The following HSPA12A variants were observed in gnomAD, a reference collection of about 807,000 sequenced individuals.
HSPA12A encodes the protein heat shock protein family A (Hsp70) member 12A, also known as heat shock 70 kDa protein 12A.
Under a neutral mutation model 69.2 loss-of-function variants are expected in HSPA12A, and 28 were observed. The ratio of observed to expected loss-of-function variants is 0.40; its 90% confidence interval spans 0.30 to 0.55. HSPA12A has a LOEUF of 0.55. HSPA12A is among the 20% of genes least tolerant of loss of function. HSPA12A has a pLI of 0.38. For missense variants in HSPA12A, 686 were observed against 900.7 expected, an observed-to-expected ratio of 0.76 and a Z score of 3.05; for synonymous variants, 345 against 370.5, an observed-to-expected ratio of 0.93 and a Z score of 0.79.
At chr10:116,745,058 C>T (rs1390387079), upstream of HSPA12A, among the ~76,000 whole-genome samples, 1 of 152,178 alleles carries the variant, frequency 6.6e-6, no homozygotes, top group African/African-American at 2.4e-5. Flanking sequence ...GTCACTCCCC[C>T]GGACACATCC....
intron 1 of HSPA12A, among the ~76,000 whole-genome samples, chr10:116,715,268 C>G (rs1219583754): frequency 6.6e-6 from 1 of 152,176 alleles, no homozygotes; most frequent in Non-Finnish European, 1.5e-5. Flanking sequence ...CCCCGGAGAC[C>G]AACTGCGACA....
intron 1 of HSPA12A, among the ~76,000 whole-genome samples, chr10:116,707,837 C>T (rs1455395320): frequency 1.3e-5 from 2 of 152,234 alleles, no homozygotes; most frequent in East Asian, 1.9e-4. Context: ...TCCTCCCTCC[C>T]CCTGCCAGGG....
At chr10:116,777,016 G>C (rs1305286443) in intron 2 of HSPA12A, among the ~76,000 whole-genome samples, 2 of 152,226 alleles carry the variant, frequency 1.3e-5, no homozygotes, top group African/African-American at 4.8e-5. Context: ...CACAGGGGAA[G>C]GAGGTTGTAA....
At chr10:116,770,892 T>TC (rs112828471) in intron 2 of HSPA12A, among the ~76,000 whole-genome samples, 139,043 of 148,930 alleles carry the variant, frequency 0.93, 64,718 homozygotes, top group Non-Finnish European at 1. Context: ...AACAAGCCTC[T>TC]CTTGGGGGAG....
chr10:116,820,640 A>C (rs1359909369), intron 2 of HSPA12A, among the ~76,000 whole-genome samples: 1 of 151,954 alleles, frequency 6.6e-6, no homozygotes, highest in Non-Finnish European at 1.5e-5. Context: ...TGTGGCTCTG[A>C]ATGTGACAAT....
rs1273311510 is a variant in HSPA12A, at chr10:116,785,504, C to T, written c.91+49431G>A. ...CCCCAGCCCCAGGACGGCTGTCCCC[C>T]ACCCAGATCCCCGCCTGCCTCCCTG... On this transcript the variant is annotated intron_variant, in intron 2 of 12. Transcript: ENST00000635765. Among the ~76,000 whole-genome samples the T allele has an allele frequency of 4.6e-5, 7 of 152,128 alleles. No homozygotes were observed. The South Asian group carries it at 8.3e-4, about 18-fold the overall frequency.
chr10:116,841,886 CA>C (rs1313746109), intron 1 of HSPA12A, among the ~76,000 whole-genome samples: 1 of 151,376 alleles, frequency 6.6e-6, no homozygotes, highest in Non-Finnish European at 1.5e-5. Flanking sequence ...AAAGAGAAAA[CA>C]ACACCATAAT....
rs1849194364 is a variant in HSPA12A at position 116,675,199 on chromosome 10, T to C, written c.1610A>G (p.Tyr537Cys). The change falls in exon 12 of 12, where the codon TAC becomes TGC. Residue 537 changes from tyrosine (Y) to cysteine (C), a missense_variant. Coordinates refer to ENST00000369209, the MANE Select transcript of HSPA12A (RefSeq NM_025015.3). This position sits in a 1 kb window ranked among gnomAD's most constrained non-coding sequence, Gnocchi z 5.2. ...GTAGCGGTTCAGCACGCCTACCCCG[T>C]AGGTGAGCGGCGACCGGCGCACCTT... Reference protein sequence around the residue: ...VIKVRRSPLTYGVGVLNRYVE... With the variant: ...VIKVRRSPLTCGVGVLNRYVE... 3 of 1,613,630 alleles carry C rather than the reference T, an allele frequency of 1.9e-6. No individual in the cohort carries two copies. The highest frequency in any genetic ancestry group is 2.7e-5 in the African/African-American group (2 of 74,992).
intron 2 of HSPA12A, among the ~76,000 whole-genome samples, chr10:116,811,372 C>T (rs1589720281): frequency 6.6e-6 from 1 of 152,100 alleles, no homozygotes; most frequent in Admixed American, 6.5e-5. Flanking sequence ...AGATTCCTGG[C>T]CCCCAGGCCA....
intron 2 of HSPA12A, among the ~76,000 whole-genome samples, chr10:116,811,584 A>G (rs932396980): frequency 5.1e-4 from 76 of 148,726 alleles, no homozygotes; most frequent in Admixed American, 4.4e-3. Flanking sequence ...TTTGTTAAAA[A>G]AAAAAAAAAA....
At chr10:116,783,344 G>A (rs1554892007) in intron 2 of HSPA12A, among the ~76,000 whole-genome samples, 1 of 152,232 alleles carries the variant, frequency 6.6e-6, no homozygotes, top group African/African-American at 2.4e-5. Flanking sequence ...CTGTGCCCTG[G>A]CAAAGTGTGC....
intron 1 of HSPA12A, among the ~76,000 whole-genome samples, chr10:116,714,719 C>G (rs1258439921): frequency 1.3e-5 from 2 of 152,360 alleles, no homozygotes; most frequent in Non-Finnish European, 2.9e-5. Context: ...CCAGGCTCTT[C>G]TAAGTCCACC....
intron 1 of HSPA12A, among the ~76,000 whole-genome samples, chr10:116,714,896 T>A (rs1850560473): frequency 6.6e-6 from 1 of 152,202 alleles, no homozygotes. Flanking sequence ...AAATTCTGCA[T>A]CACCCTTCAG....
intron 2 of HSPA12A, among the ~76,000 whole-genome samples, chr10:116,768,117 G>A (rs1470426391): frequency 5.3e-5 from 8 of 152,146 alleles, no homozygotes; most frequent in Non-Finnish European, 8.8e-5. Flanking sequence ...ATCCATCCAC[G>A]GGTGAATGGA....
rs782085387 is a variant in HSPA12A at position 116,681,785 on chromosome 10, C to T, written c.922+6G>A. On this transcript the variant is annotated splice_donor_region_variant and intron_variant, in intron 8 of 11. Coordinates refer to ENST00000369209, the MANE Select transcript of HSPA12A (RefSeq NM_025015.3). The stretch of plus-strand genomic sequence containing the variant: ...AGCAAGAGCAAAGGACATTGAAGGA[C>T]GCTACCTTCCTCCAGCTCGGACCAG... 54 of 1,612,260 alleles carry T rather than the reference C, an allele frequency of 3.3e-5. 1 individual carries two copies. Among genetic ancestry groups the T allele is most frequent in the East Asian group, 3.3e-4 (15 of 44,888 alleles).
rs914949920 is a variant in HSPA12A at position 116,816,364 on chromosome 10, C to A, written c.91+18571G>T. Among the ~76,000 whole-genome samples, 3 of 152,246 alleles carry A rather than the reference C, an allele frequency of 2.0e-5. 1 individual carries two copies. Among genetic ancestry groups the A allele is most frequent in the African/African-American group, 7.2e-5 (3 of 41,456 alleles). On this transcript the variant is annotated intron_variant, in intron 2 of 12. Transcript: ENST00000635765. ...AGGACACCTGGCCTGGTCTCTGGCACCCCGCATACGGGGCAGAGAATGTTG... is the reference window on the plus strand; with the variant it reads ...AGGACACCTGGCCTGGTCTCTGGCAACCCGCATACGGGGCAGAGAATGTTG...
intron 9 of HSPA12A, among the ~76,000 whole-genome samples, chr10:116,680,852 T>C (rs186917253): frequency 2.6e-5 from 4 of 152,360 alleles, no homozygotes; most frequent in East Asian, 1.9e-4. Context: ...AGCACGGTCA[T>C]GGGCAACATC....
At position 116,683,773 on chromosome 10, in the gene HSPA12A, G is replaced by A; in HGVS notation, c.835+18C>T. 1 of 1,510,474 alleles carries A rather than the reference G, an allele frequency of 6.6e-7. No homozygotes were observed. The highest frequency in any genetic ancestry group is 2.3e-5 in the East Asian group (1 of 42,976). 93.6% of individuals were successfully genotyped at this position (1,510,474 alleles called of 1,614,324 possible). On this transcript the variant is annotated intron_variant, in intron 7 of 11. Coordinates refer to ENST00000369209, the MANE Select transcript of HSPA12A (RefSeq NM_025015.3). ...GGAAGGAAGGAGAGCAGGAGGGGGA[G>A]AGAGAGAGCAGAGGTACCCTGTGTA...
At chr10:116,734,810 G>A (rs1384176143) in intron 1 of HSPA12A, among the ~76,000 whole-genome samples, 7 of 151,958 alleles carry the variant, frequency 4.6e-5, no homozygotes, top group African/African-American at 9.7e-5. Context: ...TAGCTAACAC[G>A]GTGAAACCCT....
Sources: allele counts gnomAD v4.1 joint callset (sites outside exome capture counted in the v4.1 genomes callset), GRCh38; gene constraint gnomAD v4.1.1; non-coding constraint Gnocchi (gnomAD v3.1); transcripts MANE v1.5; gene names NCBI Gene and HGNC (gene_info 2026-07-23, HGNC 2026-07-21).